The following DSTN variants were observed in gnomAD, a reference collection of about 807,000 sequenced individuals.
DSTN encodes the protein destrin.
A neutral mutation model predicts 16.8 loss-of-function variants in DSTN; 10 were observed. That is an observed-to-expected ratio of 0.60 (90% CI 0.37 to 1.01). The LOEUF (loss-of-function observed/expected upper bound fraction) is 1.01. Ranked by LOEUF, DSTN falls within the 50% of genes least tolerant of loss-of-function variation. The pLI is 0.01. For synonymous variants in DSTN, 57 were observed against 58.9 expected, an observed-to-expected ratio of 0.97 and a Z score of 0.14; for missense variants, 141 against 196.7, an observed-to-expected ratio of 0.72 and a Z score of 1.69.
At chr20:17,594,102 T>TAAATAAATAAATA (rs1259861344) in intron 1 of DSTN, among the ~76,000 whole-genome samples, 1 of 151,360 alleles carries the variant, frequency 6.6e-6, no homozygotes, top group Non-Finnish European at 1.5e-5. Flanking sequence ...AATAAATAAA[T>TAAATAAATAAATA]AAATAAATAA....
intron 1 of DSTN, among the ~76,000 whole-genome samples, chr20:17,597,861 T>C (rs139472795): frequency 7.9e-4 from 120 of 152,326 alleles, no homozygotes; most frequent in African/African-American, 2.8e-3. Context: ...TCCCCTTTTT[T>C]CTCAACCTCT....
chr20:17,601,161 A>T, intron 2 of DSTN, 116 bp downstream of exon 2: 1 of 1,283,618 alleles, frequency 7.8e-7, no homozygotes, highest in South Asian at 1.7e-5. Context: ...TTGTCATTTA[A>T]TTTTTATTTA....
At chr20:17,575,077 TCAAA>T (rs1174759993) in intron 1 of DSTN, among the ~76,000 whole-genome samples, 1 of 152,070 alleles carries the variant, frequency 6.6e-6, no homozygotes, top group African/African-American at 2.4e-5. Context: ...CAGACTGGTC[TCAAA>T]CAATCTTCCC....
intron 1 of DSTN, among the ~76,000 whole-genome samples, chr20:17,578,100 C>T (rs1480356159): frequency 6.6e-6 from 1 of 152,176 alleles, no homozygotes; most frequent in Non-Finnish European, 1.5e-5. Context: ...GTGTGTGTAC[C>T]AACTAAATTC....
At chr20:17,591,260 T>G (rs2035465709) in intron 1 of DSTN, among the ~76,000 whole-genome samples, 1 of 152,240 alleles carries the variant, frequency 6.6e-6, no homozygotes, top group Non-Finnish European at 1.5e-5. Flanking sequence ...CATGATGTTG[T>G]TTTGTGATAA....
rs1271262609 is a variant in DSTN at position 17,609,141 on chromosome 20, A to G, written c.*1995A>G. The G allele has an allele frequency of 6.6e-6, 1 of 152,246 alleles. No individual in the cohort carries two copies. The highest frequency in any genetic ancestry group is 1.5e-5 in the Non-Finnish European group (1 of 68,048). 9.4% of individuals were successfully genotyped at this position (152,246 alleles called of 1,614,324 possible). A position where few individuals can be genotyped will look rare whatever the true frequency, so the allele number is the denominator to read the frequency against. On this transcript the variant is annotated 3_prime_UTR_variant, in exon 4 of 4. Coordinates refer to ENST00000246069, the MANE Select transcript of DSTN (RefSeq NM_006870.4). ...AATATTTTGGAATTGTCTAGAAAATAGTGCTGGCTGCTTGTCATTCATCCT... is the reference window on the plus strand; with the variant it reads ...AATATTTTGGAATTGTCTAGAAAATGGTGCTGGCTGCTTGTCATTCATCCT...
intron 3 of DSTN, among the ~76,000 whole-genome samples, chr20:17,606,108 CAA>C (rs112532016): frequency 6.7e-5 from 9 of 134,508 alleles, no homozygotes; most frequent in Admixed American, 7.6e-5. Context: ...AACTCTGTCT[CAA>C]AAAAAAAAAA....
chr20:17,574,979 G>GC (rs1175127711), intron 1 of DSTN, among the ~76,000 whole-genome samples: 3 of 140,510 alleles, frequency 2.1e-5, no homozygotes, highest in African/African-American at 2.7e-5. Context: ...ACCTCAGCCT[G>GC]CGGAGTAGCT....
intron 1 of DSTN, among the ~76,000 whole-genome samples, chr20:17,574,597 G>A (rs959854767): frequency 6.6e-6 from 1 of 151,674 alleles, no homozygotes; most frequent in Admixed American, 6.6e-5. Flanking sequence ...GTGGTGGCAC[G>A]TGCCTGTAAT....
In DSTN at chr20:17,578,961, CAAAA is replaced by C. The variant is rs59600009; in HGVS notation, c.3+8767_3+8770del. ...GGACAACAAGAGCGAAATTCCATCT[CAAAA>C]AAAAAAAAAAAAAAAAGCAAGAAGT... On this transcript the variant is annotated intron_variant, in intron 1 of 3. Transcript: ENST00000246069. 6.1e-5 allele frequency among the ~76,000 whole-genome samples: 5 copies of C among 81,404 alleles called. 1 individual carries two copies. Among genetic ancestry groups the C allele is most frequent in the African/African-American group, 2.3e-4 (5 of 21,628 alleles). 53.4% of individuals were successfully genotyped at this position (81,404 alleles called of 152,430 possible).
rs948910380 is a variant in DSTN at position 17,608,805 on chromosome 20, G to A, written c.*1659G>A. 1 of 152,130 alleles carries A rather than the reference G, an allele frequency of 6.6e-6. No homozygotes were observed. Among genetic ancestry groups the A allele is most frequent in the African/African-American group, 2.4e-5 (1 of 41,426 alleles). 9.4% of individuals were successfully genotyped at this position (152,130 alleles called of 1,614,324 possible). ...ATTGTCCTACCACATGCCATCACAT[G>A]GTTAGCATTTTGATACACAGCTGTG... On this transcript the variant is annotated 3_prime_UTR_variant, in exon 4 of 4. Transcript: ENST00000246069.
In DSTN at chr20:17,601,042, T is replaced by C; in HGVS notation, c.308T>C (p.Leu103Ser). Reference protein sequence around the residue: ...ESRKEELMFFLWAPELAPLKS... With the variant: ...ESRKEELMFFSWAPELAPLKS... ...AGAAAAGAAGAGTTGATGTTTTTTTTGTGGTAAGCATGTTAGAAATATTGA... is the reference window on the plus strand; with the variant it reads ...AGAAAAGAAGAGTTGATGTTTTTTTCGTGGTAAGCATGTTAGAAATATTGA... The change falls in exon 2 of 4, where the codon TTG becomes TCG. Residue 103 changes from leucine to serine, a missense_variant. Leu to Ser is a moderately radical substitution (Grantham distance 145). Transcript: ENST00000246069. The C allele has an allele frequency of 6.3e-7, 1 of 1,590,564 alleles. No homozygotes were observed.
At position 17,600,843 on chromosome 20, in the gene DSTN, A is replaced by G. The variant is rs750897938; in HGVS notation, c.109A>G (p.Ile37Val). The G allele has an allele frequency of 1.2e-6, 2 of 1,613,798 alleles. No individual in the cohort carries two copies. The highest frequency in any genetic ancestry group is 2.2e-5 in the East Asian group (1 of 44,860). ...EEIKKRKKAV[I>V]FCLSADKKCI... ...AATCAAGAAAAGAAAGAAGGCTGTC[A>G]TTTTTTGTCTCAGTGCAGACAAAAA... The change falls in exon 2 of 4, where the codon ATT becomes GTT. Residue 37 changes from isoleucine (I) to valine (V), a missense_variant. Transcript: ENST00000246069.
chr20:17,602,768 T>A (rs567910038), intron 2 of DSTN, among the ~76,000 whole-genome samples: 12 of 152,326 alleles, frequency 7.9e-5, no homozygotes, highest in Non-Finnish European at 1.8e-4. Flanking sequence ...GACTCATGCC[T>A]GTAATCTCAG....
intron 1 of DSTN, among the ~76,000 whole-genome samples, chr20:17,571,885 G>T (rs2035211218): frequency 6.6e-6 from 1 of 152,128 alleles, no homozygotes; most frequent in Admixed American, 6.5e-5. Flanking sequence ...AGAAATGAGC[G>T]ATTTCCAAAT....
At chr20:17,586,437 T>C in intron 1 of DSTN, among the ~76,000 whole-genome samples, 1 of 152,236 alleles carries the variant, frequency 6.6e-6, no homozygotes, top group South Asian at 2.1e-4. Flanking sequence ...GTGATGGTTG[T>C]GCCTAGGAGA....
rs1366610462 is a variant in DSTN at position 17,591,884 on chromosome 20, A to G, written c.4-8854A>G. 4.1e-6 allele frequency: 4 copies of G among 985,144 alleles called. No homozygotes were observed. In the East Asian group the frequency reaches 3.4e-4, roughly 84 times the overall value. 61.0% of individuals were successfully genotyped at this position (985,144 alleles called of 1,614,324 possible). A position where few individuals can be genotyped will look rare whatever the true frequency, so the allele number is the denominator to read the frequency against. On this transcript the variant is annotated intron_variant, in intron 1 of 3. Transcript: ENST00000246069. ...GGTCTCTGAGATGTTAATAAATTGC[A>G]GTTACTTTAATCATTGTCTTCTTTC... is the stretch of plus-strand genomic sequence containing the variant.
chr20:17,588,832 C>T (rs1394526561), intron 1 of DSTN, among the ~76,000 whole-genome samples: 3 of 152,124 alleles, frequency 2.0e-5, no homozygotes, highest in South Asian at 2.1e-4. Flanking sequence ...TTGGACAGCA[C>T]GGCTCTCTAG....
chr20:17,601,614 C>T (rs1486106453), intron 2 of DSTN, among the ~76,000 whole-genome samples: 1 of 152,184 alleles, frequency 6.6e-6, no homozygotes, highest in Non-Finnish European at 1.5e-5. Context: ...TTCAAATGCT[C>T]AGTAGCCACA....
Sources: allele counts gnomAD v4.1 joint callset (sites outside exome capture counted in the v4.1 genomes callset), GRCh38; gene constraint gnomAD v4.1.1; transcripts MANE v1.5; gene names NCBI Gene and HGNC (gene_info 2026-07-23, HGNC 2026-07-21).